ABHD2: variants seen among roughly 807,000 people sequenced by gnomAD.
ABHD2 encodes monoacylglycerol lipase ABHD2.
Under a neutral mutation model 48.1 loss-of-function variants are expected in ABHD2, and 20 were observed. That is an observed-to-expected ratio of 0.42 (90% CI 0.29 to 0.60). ABHD2 has a LOEUF of 0.60. Ranked by LOEUF, ABHD2 falls within the 20% of genes least tolerant of loss-of-function variation. The pLI is 0.24. For missense variants in ABHD2, 405 were observed against 550.9 expected, an observed-to-expected ratio of 0.74 and a Z score of 2.65; for synonymous variants, 209 against 214.2, an observed-to-expected ratio of 0.98 and a Z score of 0.21.
rs146594446 is a variant in ABHD2, at chr15:89,112,486, C to T, written c.-106-1239C>T. Among the ~76,000 whole-genome samples, 452 of 152,278 alleles carry T rather than the reference C, an allele frequency of 3.0e-3. 2 individuals are homozygous for T. The highest frequency in any genetic ancestry group is 6.8e-3 in the Middle Eastern group (2 of 294). ...GAAGACTTTGCTCTTCCGGCCCCAC[C>T]TCACCACAGCCTGGTCCTCTATGAC... On this transcript the variant is annotated intron_variant, in intron 1 of 10. Coordinates refer to ENST00000352732, the MANE Select transcript of ABHD2 (RefSeq NM_152924.5).
Position 89,108,929 on chromosome 15 carries a change from C to T in ABHD2, c.-106-4796C>T, listed in dbSNP as rs534760188. 2.6e-5 allele frequency among the ~76,000 whole-genome samples: 4 copies of T among 152,296 alleles called. No individual in the cohort carries two copies. In the East Asian group the frequency reaches 7.7e-4, roughly 29 times the overall value. On this transcript the variant is annotated intron_variant, in intron 1 of 10. Transcript: ENST00000352732. ...TCTGTCCCTAGAATCTCAGACATTT[C>T]TAGCTGAAAGAGACCTTTGGCATCA...
At chr15:89,043,590 AAGG>A in the ABHD2 span, among the ~76,000 whole-genome samples, 4 of 140,782 alleles carry the variant, frequency 2.8e-5, no homozygotes, top group East Asian at 2.3e-4. Flanking sequence ...GAAGAGGAAG[AAGG>A]AGGAGGAGAG....
At chr15:89,135,838 G>C (rs1200751201) in intron 3 of ABHD2, 22 of 751,976 alleles carry the variant, frequency 2.9e-5, no homozygotes, top group Non-Finnish European at 2.4e-6. Context: ...TTTGATATTT[G>C]GGCGATACTC....
chr15:89,170,080 CTTTTTTTTTTTTT>C (rs748983183), intron 5 of ABHD2, among the ~76,000 whole-genome samples: 606 of 37,512 alleles, frequency 0.016, 12 homozygotes, highest in African/African-American at 0.04. Context: ...AGATCAGATT[CTTTTTTTTTTTTT>C]TTTTTTTTTT....
chr15:89,166,280 C>T lies in ABHD2; in HGVS notation c.539-9532C>T, dbSNP rs905354146. 6.6e-6 allele frequency among the ~76,000 whole-genome samples: 1 copy of T among 152,160 alleles called. No homozygotes were observed. Among genetic ancestry groups the T allele is most frequent in the African/African-American group, 2.4e-5 (1 of 41,438 alleles). ...CAAAACACCAAGCTGGGGCATTTGGCATTGAAAATGGCCTCGAATATTTAA... is the reference window on the plus strand; with the variant it reads ...CAAAACACCAAGCTGGGGCATTTGGTATTGAAAATGGCCTCGAATATTTAA... On this transcript the variant is annotated intron_variant, in intron 5 of 10. Transcript: ENST00000352732. The surrounding 1 kb of genome is among the most constrained non-coding windows in gnomAD (Gnocchi z 4.6).
In ABHD2 at chr15:89,147,350, CTT is replaced by C. The variant is rs35188439; in HGVS notation, c.195-4307_195-4306del. 4.8e-3 allele frequency among the ~76,000 whole-genome samples: 486 copies of C among 100,320 alleles called. 7 individuals carry two copies. The highest frequency in any genetic ancestry group is 0.018 in the African/African-American group (429 of 23,654). The allele number at this position is 100,320 out of a possible 152,430, so 65.8% of individuals were successfully genotyped here. On this transcript the variant is annotated intron_variant, in intron 3 of 10. Transcript: ENST00000352732. ...GTTTATAATTGGGTATTGCATAGCT[CTT>C]TTTTTTTTTTTTTTTTTTTGAGACA...
At chr15:89,112,662 C>A (rs2049894057) in intron 1 of ABHD2, among the ~76,000 whole-genome samples, 1 of 152,190 alleles carries the variant, frequency 6.6e-6, no homozygotes, top group African/African-American at 2.4e-5. Flanking sequence ...GGCTTGAATC[C>A]CAGCTCTGCT....
the ABHD2 span, among the ~76,000 whole-genome samples, chr15:89,069,674 C>CTTTTTTTTTTTTTTTTTTTTTTTTTTT: frequency 3.8e-4 from 20 of 52,900 alleles, 8 homozygotes; most frequent in African/African-American, 5.9e-4. Flanking sequence ...TTCATTTACT[C>CTTTTTTTTTTTTTTTTTTTTTTTTTTT]TTTTTTTTTT....
At chr15:89,156,610 C>T (rs368954239) in intron 5 of ABHD2, among the ~76,000 whole-genome samples, 7 of 151,928 alleles carry the variant, frequency 4.6e-5, no homozygotes, top group African/African-American at 7.2e-5. Context: ...AGCTGGCACA[C>T]GCCTGTAATC....
At chr15:89,107,384 G>A (rs2049802955) in intron 1 of ABHD2, among the ~76,000 whole-genome samples, 1 of 152,172 alleles carries the variant, frequency 6.6e-6, no homozygotes, top group African/African-American at 2.4e-5. Context: ...GGCCCAAGCA[G>A]TTAATCAGCT....
chr15:89,132,411 A>C (rs557296172), intron 3 of ABHD2, among the ~76,000 whole-genome samples: 2 of 152,254 alleles, frequency 1.3e-5, no homozygotes, highest in African/African-American at 4.8e-5. Context: ...AGAACTTAGC[A>C]TACTAATTAT....
intron 3 of ABHD2, among the ~76,000 whole-genome samples, chr15:89,131,836 A>G (rs1040427889): frequency 6.6e-6 from 1 of 152,204 alleles, no homozygotes; most frequent in African/African-American, 2.4e-5. Flanking sequence ...TAAGAGAGCT[A>G]GCACCCTCCA....
chr15:89,100,813 GAGCTGAGATGTGCCA>G lies in ABHD2; in HGVS notation c.-107+12251_-107+12265del, dbSNP rs2049689878. 6.6e-6 allele frequency among the ~76,000 whole-genome samples: 1 copy of G among 152,082 alleles called. No individual in the cohort carries two copies. Among genetic ancestry groups the G allele is most frequent in the African/African-American group, 2.4e-5 (1 of 41,412 alleles). ...GAACCCAGGAGGCGGAGGTTGCTGT[GAGCTGAGATGTGCCA>G]TTGCACTCCACCCTGGGCCACAGTG... On this transcript the variant is annotated intron_variant, in intron 1 of 10. Coordinates refer to ENST00000352732, the MANE Select transcript of ABHD2 (RefSeq NM_152924.5). The surrounding 1 kb of genome is among the most constrained non-coding windows in gnomAD (Gnocchi z 4.4).
intron 3 of ABHD2, among the ~76,000 whole-genome samples, chr15:89,141,040 C>T (rs2050394625): frequency 6.6e-6 from 1 of 151,884 alleles, no homozygotes; most frequent in African/African-American, 2.4e-5. Flanking sequence ...CCGATCATAA[C>T]TCACTGCAGC....
the ABHD2 span, among the ~76,000 whole-genome samples, chr15:89,045,280 C>T: frequency 2.0e-5 from 3 of 151,854 alleles, no homozygotes; most frequent in Admixed American, 2.0e-4. Flanking sequence ...GTTTTGGTAC[C>T]AGTACCATGC....
chr15:89,101,449 C>G (rs1056536068), intron 1 of ABHD2, among the ~76,000 whole-genome samples: 8 of 152,170 alleles, frequency 5.3e-5, no homozygotes, highest in Non-Finnish European at 8.8e-5. Flanking sequence ...TACCTCTCCG[C>G]CCAATGTAAT....
rs2050980681 is a variant in ABHD2, at chr15:89,174,553, C to T, written c.539-1259C>T. ...AGATATAAGGGGAGTTTACCCCAGGCTCAAAAGATACTTTCCCCCATGGCT... is the reference window on the plus strand; with the variant it reads ...AGATATAAGGGGAGTTTACCCCAGGTTCAAAAGATACTTTCCCCCATGGCT... On this transcript the variant is annotated intron_variant, in intron 5 of 10. Coordinates refer to ENST00000352732, the MANE Select transcript of ABHD2 (RefSeq NM_152924.5). The surrounding 1 kb of genome is among the most constrained non-coding windows in gnomAD (Gnocchi z 4.1). Among the ~76,000 whole-genome samples, 1 of 152,174 alleles carries T rather than the reference C, an allele frequency of 6.6e-6. No homozygotes were observed. The highest frequency in any genetic ancestry group is 6.5e-5 in the Admixed American group (1 of 15,268).
Position 89,160,503 on chromosome 15 carries a change from T to A in ABHD2, c.538+4969T>A, listed in dbSNP as rs541082134. 4.6e-5 allele frequency among the ~76,000 whole-genome samples: 7 copies of A among 152,288 alleles called. No individual in the cohort carries two copies. The East Asian group carries it at 1.3e-3, about 29-fold the overall frequency. Reference sequence around the variant, plus strand: ...TTGTCTGCCTACCTGTTTTTTTTTTTTCTTTTTTCATTTGAACCAAAGAAT... The same window carrying A: ...TTGTCTGCCTACCTGTTTTTTTTTTATCTTTTTTCATTTGAACCAAAGAAT... On this transcript the variant is annotated intron_variant, in intron 5 of 10. Coordinates refer to ENST00000352732, the MANE Select transcript of ABHD2 (RefSeq NM_152924.5).
At chr15:89,191,220 C>T (rs958473245) in intron 9 of ABHD2, 71 bp downstream of exon 9, 3 of 1,492,268 alleles carry the variant, frequency 2.0e-6, no homozygotes, top group African/African-American at 1.4e-5. Context: ...ACAGATACCT[C>T]TCCTGAATTT....
Sources: gnomAD v4.1 joint callset for allele counts (sites outside exome capture counted in the v4.1 genomes callset) on GRCh38, gnomAD v4.1.1 for gene constraint, Gnocchi (gnomAD v3.1) non-coding constraint, MANE v1.5 for transcripts, NCBI Gene and HGNC (gene_info 2026-07-23, HGNC 2026-07-21) for gene names.